LAMA4: variants seen among roughly 807,000 people sequenced by gnomAD.
The protein encoded by LAMA4 is laminin subunit alpha-4.
LAMA4 carries 127 observed loss-of-function variants against 207.1 expected under a neutral mutation model. That is an observed-to-expected ratio of 0.61 (90% CI 0.53 to 0.71). The LOEUF (loss-of-function observed/expected upper bound fraction) is 0.71. LAMA4 is among the 30% of genes least tolerant of loss of function. The pLI is 0.00. For missense variants in LAMA4, 2,093 were observed against 2,246.5 expected (o/e 0.93, Z 1.38); for synonymous variants, 761 against 816.0 (o/e 0.93, Z 1.15).
chr6:112,110,358 A>G (rs1209496637), intron 38 of LAMA4, among the ~76,000 whole-genome samples: 2 of 152,246 alleles, frequency 1.3e-5, no homozygotes, highest in Admixed American at 6.5e-5. Flanking sequence ...TATTATTTAC[A>G]AACAGCTATG....
At position 112,115,760 on chromosome 6, in the gene LAMA4, CAGTT is replaced by C. The variant is rs1183469366; in HGVS notation, c.5112+99_5112+102del. 100 of 1,225,730 alleles carry C rather than the reference CAGTT, an allele frequency of 8.2e-5. No individual in the cohort carries two copies. In the African/African-American group the frequency reaches 1.4e-3, roughly 17 times the overall value. The allele number at this position is 1,225,730 out of a possible 1,614,324, so 75.9% of individuals were successfully genotyped here. Reference sequence around the variant, plus strand: ...GTTATAGCTTTCCTATATTTCTTTTCAGTTAGGAAAGATTGATGAAATAATTCTG... The same window carrying C: ...GTTATAGCTTTCCTATATTTCTTTTCAGGAAAGATTGATGAAATAATTCTG... On this transcript the variant is annotated intron_variant, in intron 36 of 38. Coordinates refer to ENST00000230538, the MANE Select transcript of LAMA4 (RefSeq NM_001105206.3).
At chr6:112,190,249 G>A (rs1782936068) in intron 6 of LAMA4, among the ~76,000 whole-genome samples, 1 of 152,092 alleles carries the variant, frequency 6.6e-6, no homozygotes. Flanking sequence ...CTTTGATTTT[G>A]CCAACATTAT....
intron 14 of LAMA4, among the ~76,000 whole-genome samples, chr6:112,156,320 A>T (rs1780711058): frequency 6.6e-6 from 1 of 152,106 alleles, no homozygotes; most frequent in South Asian, 2.1e-4. Context: ...CTGAGTACCC[A>T]TCACACAGGG....
intron 2 of LAMA4, among the ~76,000 whole-genome samples, chr6:112,241,897 G>A (rs1257971531): frequency 1.3e-5 from 2 of 152,100 alleles, no homozygotes; most frequent in African/African-American, 4.8e-5. Context: ...GGTCTTCCCT[G>A]TCTCCTAACA....
At position 112,190,934 on chromosome 6, in the gene LAMA4, TCTTTCTTTCTTTC is replaced by T. The variant is rs1562714519; in HGVS notation, c.718+689_718+701del. Among the ~76,000 whole-genome samples, 271 of 62,496 alleles carry T rather than the reference TCTTTCTTTCTTTC, an allele frequency of 4.3e-3. 1 individual carries two copies. The highest frequency in any genetic ancestry group is 7.7e-3 in the Admixed American group (44 of 5,680). The allele number at this position is 62,496 out of a possible 152,430, so 41.0% of individuals were successfully genotyped here. ...TTCTTTCTTTCTTTCTTTCTTTCTT[TCTTTCTTTCTTTC>T]CTTTCTTTCTTTCTTTCTTTCTTTC... On this transcript the variant is annotated intron_variant, in intron 6 of 38. Transcript: ENST00000230538.
rs1554342235 is a variant in LAMA4, at chr6:112,172,649, T to G, written c.1513A>C (p.Met505Leu). ...ALNYVRDAED[M>L]NRATAARQRD... ...TGCCTGGCTGCTGTGGCCCTGTTCA[T>G]GTCTTCGGCATCCCTGACATAGTTA... is the stretch of plus-strand genomic sequence containing the variant. Residue 505 changes from methionine to leucine, a missense_variant, in exon 12 of 39, where the codon ATG becomes CTG. Physicochemically the swap from Met to Leu is conservative, Grantham distance 15. Coordinates refer to ENST00000230538, the MANE Select transcript of LAMA4 (RefSeq NM_001105206.3). 1 of 1,613,278 alleles carries G rather than the reference T, an allele frequency of 6.2e-7. No individual in the cohort carries two copies. Among genetic ancestry groups the G allele is most frequent in the Non-Finnish European group, 8.5e-7 (1 of 1,180,016 alleles).
At chr6:112,210,855 T>C (rs1397506511) in intron 3 of LAMA4, among the ~76,000 whole-genome samples, 1 of 152,162 alleles carries the variant, frequency 6.6e-6, no homozygotes, top group Non-Finnish European at 1.5e-5. Flanking sequence ...ACATATTGTC[T>C]TAACATGGAA....
intron 4 of LAMA4, among the ~76,000 whole-genome samples, chr6:112,203,773 G>A (rs1186702976): frequency 6.6e-6 from 1 of 151,296 alleles, no homozygotes; most frequent in Non-Finnish European, 1.5e-5. Flanking sequence ...TTTACTTATA[G>A]GTGACACACT....
chr6:112,254,175 T>C lies in LAMA4; in HGVS notation c.-25A>G, dbSNP rs782040558. 6.2e-7 allele frequency: 1 copy of C among 1,612,106 alleles called. No homozygotes were observed. Among genetic ancestry groups the C allele is most frequent in the Non-Finnish European group, 8.5e-7 (1 of 1,179,892 alleles). On this transcript the variant is annotated 5_prime_UTR_variant, in exon 2 of 39. Transcript: ENST00000230538. ...TTTCTCCGCTGACATCCAGTAGTGC[T>C]CTTCCAGGGCTCGGGCGCTGTGGGT...
chr6:112,126,998 C>G lies in LAMA4; in HGVS notation c.4287+1924G>C, dbSNP rs1225344035. Reference sequence around the variant, plus strand: ...CTCATAAGGCTCTATAGAGATATAACCACTAATATTCACTGAATCTTAACT... The same window carrying G: ...CTCATAAGGCTCTATAGAGATATAAGCACTAATATTCACTGAATCTTAACT... On this transcript the variant is annotated intron_variant, in intron 31 of 38. Coordinates refer to ENST00000230538, the MANE Select transcript of LAMA4 (RefSeq NM_001105206.3). Among the ~76,000 whole-genome samples, 24 of 152,126 alleles carry G rather than the reference C, an allele frequency of 1.6e-4. 1 individual carries two copies.
chr6:112,192,993 AAG>A (rs1783205779), intron 5 of LAMA4, among the ~76,000 whole-genome samples: 2 of 152,328 alleles, frequency 1.3e-5, no homozygotes, highest in East Asian at 3.9e-4. Flanking sequence ...CAAACCTTGT[AAG>A]AGTACTGTAC....
intron 9 of LAMA4, among the ~76,000 whole-genome samples, chr6:112,183,762 C>G (rs1782503848): frequency 6.6e-6 from 1 of 151,764 alleles, no homozygotes; most frequent in African/African-American, 2.4e-5. Context: ...ACCAGCCTGG[C>G]TAACATGGTG....
At chr6:112,181,836 C>T (rs948023890) in intron 9 of LAMA4, among the ~76,000 whole-genome samples, 1 of 152,140 alleles carries the variant, frequency 6.6e-6, no homozygotes, top group African/African-American at 2.4e-5. Flanking sequence ...CGGTGGCTCA[C>T]GCCTGTAATT....
At chr6:112,191,567 C>A in intron 6 of LAMA4, 69 bp downstream of exon 6, 1 of 1,139,382 alleles carries the variant, frequency 8.8e-7, no homozygotes. Flanking sequence ...AGAAATTCTT[C>A]ATCTAAATTC....
chr6:112,237,525 G>A (rs1786019975), intron 2 of LAMA4, among the ~76,000 whole-genome samples: 1 of 152,210 alleles, frequency 6.6e-6, no homozygotes, highest in South Asian at 2.1e-4. Context: ...AGAGGCTGCT[G>A]TGATTGAAGG....
chr6:112,190,955 T>TCTTTCTTTCTTTCTTTCTTTC (rs1783067602), intron 6 of LAMA4, among the ~76,000 whole-genome samples: 1 of 122,470 alleles, frequency 8.2e-6, no homozygotes, highest in African/African-American at 3.0e-5. Context: ...TTCCTTTCTT[T>TCTTTCTTTCTTTCTTTCTTTC]CTTTCTTTCT....
chr6:112,186,399 T>G (rs1175335264), intron 8 of LAMA4, among the ~76,000 whole-genome samples: 6 of 152,276 alleles, frequency 3.9e-5, no homozygotes, highest in Non-Finnish European at 7.3e-5. Context: ...CAAAACAATG[T>G]GCTGGTATTG....
intron 2 of LAMA4, among the ~76,000 whole-genome samples, chr6:112,228,756 C>A (rs1257999999): frequency 1.3e-5 from 2 of 152,202 alleles, no homozygotes; most frequent in African/African-American, 4.8e-5. Flanking sequence ...GGAAGTGGAG[C>A]AGAATGGCCC....
chr6:112,219,375 T>C (rs2115073311), intron 2 of LAMA4: 1 of 152,282 alleles, frequency 6.6e-6, no homozygotes, highest in East Asian at 1.9e-4. Context: ...TAAACAAAGA[T>C]GGTGTTTGTG....
Sources: gnomAD v4.1 joint callset for allele counts (sites outside exome capture counted in the v4.1 genomes callset) on GRCh38, gnomAD v4.1.1 for gene constraint, MANE v1.5 for transcripts, NCBI Gene and HGNC (gene_info 2026-07-23, HGNC 2026-07-21) for gene names.